The following SYNPR variants were observed in gnomAD, a reference collection of about 807,000 sequenced individuals.
SYNPR encodes synaptoporin.
In SYNPR, 23 loss-of-function variants were observed where a neutral mutation model predicts 32.9. The ratio of observed to expected loss-of-function variants is 0.70; its 90% CI spans 0.50 to 0.99. SYNPR has a LOEUF of 0.99. Ranked by LOEUF, SYNPR falls within the 50% of genes least tolerant of loss-of-function variation. SYNPR has a pLI of 0.00. For synonymous variants in SYNPR, 146 were observed against 135.9 expected (o/e 1.07, Z -0.52); for missense variants, 318 against 349.3 (o/e 0.91, Z 0.71).
upstream of SYNPR, among the ~76,000 whole-genome samples, chr3:63,224,455 A>T (rs1009668344): frequency 6.6e-6 from 1 of 152,246 alleles, no homozygotes; most frequent in African/African-American, 2.4e-5. Context: ...ACTAATTTTT[A>T]CCAGGAGAGG....
intron 2 of SYNPR, among the ~76,000 whole-genome samples, chr3:63,302,595 A>G (rs1411934801): frequency 6.6e-6 from 1 of 152,066 alleles, no homozygotes; most frequent in Non-Finnish European, 1.5e-5. Context: ...AGTCCTCTGT[A>G]AAACATACAT....
intron 2 of SYNPR, among the ~76,000 whole-genome samples, chr3:63,445,939 C>A (rs1254541898): frequency 2.0e-5 from 3 of 152,106 alleles, no homozygotes; most frequent in African/African-American, 7.2e-5. Context: ...TGATTCCAAG[C>A]TAAGTATGTC....
At chr3:63,506,647 T>C (rs753860354) in intron 3 of SYNPR, among the ~76,000 whole-genome samples, 2 of 152,202 alleles carry the variant, frequency 1.3e-5, no homozygotes, top group Non-Finnish European at 2.9e-5. Flanking sequence ...CATTTGATCA[T>C]AGAAACTTTT....
intron 3 of SYNPR, among the ~76,000 whole-genome samples, chr3:63,497,360 A>G (rs1310304582): frequency 2.0e-5 from 3 of 152,158 alleles, no homozygotes; most frequent in Non-Finnish European, 4.4e-5. Context: ...CACAGATACA[A>G]CGTATGGTGA....
intron 2 of SYNPR, among the ~76,000 whole-genome samples, chr3:63,411,589 G>C (rs1029337707): frequency 6.6e-6 from 1 of 152,156 alleles, no homozygotes; most frequent in Non-Finnish European, 1.5e-5. Context: ...TGATTTTACA[G>C]TTGAGATTTG....
At chr3:63,257,303 A>C (rs1029344163) in intron 2 of SYNPR, among the ~76,000 whole-genome samples, 1 of 152,206 alleles carries the variant, frequency 6.6e-6, no homozygotes, top group Non-Finnish European at 1.5e-5. Context: ...AAAAAATGTT[A>C]AGGGCAGCCA....
At chr3:63,270,667 G>A (rs1339826896) in intron 3 of SYNPR, among the ~76,000 whole-genome samples, 1 of 152,128 alleles carries the variant, frequency 6.6e-6, no homozygotes, top group Non-Finnish European at 1.5e-5. Flanking sequence ...GTATGAATGT[G>A]GGCTGGTAAT....
chr3:63,225,160 G>T (rs1197775793), upstream of SYNPR, among the ~76,000 whole-genome samples: 2 of 152,202 alleles, frequency 1.3e-5, no homozygotes, highest in Non-Finnish European at 2.9e-5. Context: ...ATGTTCCCAA[G>T]TGTGTCACAG....
intron 1 of SYNPR, among the ~76,000 whole-genome samples, chr3:63,243,582 C>T (rs906262173): frequency 2.6e-5 from 4 of 152,054 alleles, no homozygotes; most frequent in African/African-American, 9.7e-5. Context: ...ATAATGCTAA[C>T]TCCTGCCAAA....
upstream of SYNPR, among the ~76,000 whole-genome samples, chr3:63,275,618 A>G (rs2086568261): frequency 1.3e-5 from 2 of 152,232 alleles, no homozygotes; most frequent in Non-Finnish European, 2.9e-5. Flanking sequence ...AATATTTTAA[A>G]TAAGTCTCTT....
At chr3:63,402,361 C>T (rs191339586) in intron 2 of SYNPR, among the ~76,000 whole-genome samples, 140 of 152,196 alleles carry the variant, frequency 9.2e-4, no homozygotes, top group Non-Finnish European at 1.3e-3. Flanking sequence ...GAATCTCCCC[C>T]AGTTGAGAAC....
intron 2 of SYNPR, among the ~76,000 whole-genome samples, chr3:63,368,776 T>C (rs1202735476): frequency 6.6e-6 from 1 of 152,202 alleles, no homozygotes; most frequent in African/African-American, 2.4e-5. Context: ...AAGAAGTTTA[T>C]TGACAGTTTT....
intron 3 of SYNPR, among the ~76,000 whole-genome samples, chr3:63,525,369 C>T (rs1017244166): frequency 6.6e-6 from 1 of 152,122 alleles, no homozygotes; most frequent in Non-Finnish European, 1.5e-5. Flanking sequence ...AATTAAGCCC[C>T]AAATCTCTGC....
intron 3 of SYNPR, among the ~76,000 whole-genome samples, chr3:63,528,456 A>G (rs996534301): frequency 1.3e-5 from 2 of 152,112 alleles, no homozygotes; most frequent in African/African-American, 4.8e-5. Context: ...TAAACTAGCA[A>G]AAAGTTGCCT....
At chr3:63,593,289 G>C (rs1047293095) in intron 4 of SYNPR, among the ~76,000 whole-genome samples, 6 of 152,062 alleles carry the variant, frequency 3.9e-5, no homozygotes, top group African/African-American at 1.4e-4. Flanking sequence ...GTAATAAAAA[G>C]ATTAGGCAGG....
At chr3:63,254,978 T>C (rs1012413419) in intron 2 of SYNPR, among the ~76,000 whole-genome samples, 5 of 152,128 alleles carry the variant, frequency 3.3e-5, no homozygotes, top group African/African-American at 9.7e-5. Flanking sequence ...AAAAGAAACC[T>C]GCCTTTAGAC....
At chr3:63,566,880 T>C (rs1056776513) in intron 4 of SYNPR, among the ~76,000 whole-genome samples, 1 of 152,210 alleles carries the variant, frequency 6.6e-6, no homozygotes, top group Non-Finnish European at 1.5e-5. Flanking sequence ...TTATCAGCTT[T>C]ATGATTATCT....
At chr3:63,361,352 C>A (rs1043267562) in intron 2 of SYNPR, among the ~76,000 whole-genome samples, 51 of 151,802 alleles carry the variant, frequency 3.4e-4, no homozygotes, top group African/African-American at 1.1e-3. Context: ...CTTTGGGAGG[C>A]CAAGGTGGGT....
chr3:63,530,752 G>A (rs1702098023), intron 3 of SYNPR, among the ~76,000 whole-genome samples: 1 of 152,140 alleles, frequency 6.6e-6, no homozygotes, highest in South Asian at 2.1e-4. Context: ...GCCCCTCAGA[G>A]ATACAAAATG....
Sources: gnomAD v4.1 joint callset for allele counts (sites outside exome capture counted in the v4.1 genomes callset) on GRCh38, gnomAD v4.1.1 for gene constraint, MANE v1.5 for transcripts, NCBI Gene and HGNC (gene_info 2026-07-23, HGNC 2026-07-21) for gene names.